Variants in EXOC6B observed in about 807,000 individuals in gnomAD.
EXOC6B encodes the protein SEC15 homolog B.
A neutral mutation model predicts 113.5 loss-of-function variants in EXOC6B; 54 were observed. The observed-to-expected ratio is 0.48, with a 90% CI of 0.38 to 0.60. EXOC6B has a LOEUF of 0.60. Ranked by LOEUF, EXOC6B falls within the 20% of genes least tolerant of loss-of-function variation. The pLI is 0.00. For missense variants in EXOC6B, 797 were observed against 977.5 expected (o/e 0.82, Z 2.46); for synonymous variants, 357 against 339.0 (o/e 1.05, Z -0.58).
intron 18 of EXOC6B, among the ~76,000 whole-genome samples, chr2:72,388,471 G>A (rs1214697993): frequency 6.6e-6 from 1 of 152,030 alleles, no homozygotes; most frequent in East Asian, 1.9e-4. Context: ...CCAGGATGTG[G>A]TCTAGCTTAG....
chr2:72,743,477 G>A (rs572021452), intron 1 of EXOC6B, among the ~76,000 whole-genome samples: 60 of 151,580 alleles, frequency 4.0e-4, no homozygotes, highest in African/African-American at 1.5e-4. Flanking sequence ...GCCTCTTCCC[G>A]CCTCAAGAAT....
At chr2:72,259,827 GATA>G (rs1166899833) in intron 20 of EXOC6B, among the ~76,000 whole-genome samples, 1 of 95,344 alleles carries the variant, frequency 1.0e-5, no homozygotes, top group African/African-American at 1.3e-4. Context: ...GAGGCAGACA[GATA>G]GCTTGAACCC....
At chr2:72,245,453 C>T (rs1048678063) in intron 20 of EXOC6B, among the ~76,000 whole-genome samples, 2 of 152,214 alleles carry the variant, frequency 1.3e-5, no homozygotes, top group African/African-American at 4.8e-5. Flanking sequence ...CAAACTGATA[C>T]ATCCATACAA....
intron 3 of EXOC6B, among the ~76,000 whole-genome samples, chr2:72,731,884 G>C (rs1406166491): frequency 1.3e-5 from 2 of 152,094 alleles, no homozygotes; most frequent in African/African-American, 4.8e-5. Flanking sequence ...CATCAAAAAA[G>C]TATTAGGTGA....
intron 19 of EXOC6B, among the ~76,000 whole-genome samples, chr2:72,364,784 C>T (rs564004952): frequency 6.6e-6 from 1 of 152,284 alleles, no homozygotes; most frequent in South Asian, 2.1e-4. Context: ...TCTCTTATCT[C>T]TGTCAAAAAT....
chr2:72,503,376 G>C lies in EXOC6B; in HGVS notation c.1168-3404C>G, dbSNP rs373721595. ...CATACCTCCATCTCCCAACCCCCAG[G>C]CAACAGGGATAGTTTTCTTGTCTCC... On this transcript the variant is annotated intron_variant, in intron 11 of 21. Coordinates refer to ENST00000272427, the MANE Select transcript of EXOC6B (RefSeq NM_015189.3). 3.5e-4 allele frequency among the ~76,000 whole-genome samples: 54 copies of C among 152,196 alleles called. No homozygotes were observed. In the East Asian group the frequency reaches 8.9e-3, roughly 25 times the overall value.
chr2:72,406,853 C>T (rs949562168), intron 18 of EXOC6B, among the ~76,000 whole-genome samples: 77 of 152,206 alleles, frequency 5.1e-4, no homozygotes, highest in Non-Finnish European at 9.1e-4. Context: ...TAACTAAGAT[C>T]AGAGCAGAAC....
intron 11 of EXOC6B, among the ~76,000 whole-genome samples, chr2:72,512,193 C>A (rs1700940049): frequency 6.6e-6 from 1 of 152,024 alleles, no homozygotes; most frequent in Non-Finnish European, 1.5e-5. Context: ...GTCTGACATT[C>A]TTGTTACATG....
At chr2:72,731,276 C>A (rs760717413) in intron 3 of EXOC6B, 31 bp from the exon 4 acceptor site, 2 of 1,511,624 alleles carry the variant, frequency 1.3e-6, no homozygotes, top group South Asian at 1.1e-5. Context: ...CTGAATTATG[C>A]CTATGGCTGT....
chr2:72,815,351 C>T (rs1460226876), intron 1 of EXOC6B, among the ~76,000 whole-genome samples: 2 of 151,992 alleles, frequency 1.3e-5, no homozygotes, highest in Non-Finnish European at 2.9e-5. Flanking sequence ...ATTAGCTGGA[C>T]GTGGTGTCGC....
intron 1 of EXOC6B, among the ~76,000 whole-genome samples, chr2:72,748,282 ATTT>A (rs1382975637): frequency 6.6e-6 from 1 of 151,980 alleles, no homozygotes; most frequent in Non-Finnish European, 1.5e-5. Context: ...TTCCTCAAAC[ATTT>A]TCTTCTCATT....
At chr2:72,484,904 A>C (rs926698387) in intron 16 of EXOC6B, among the ~76,000 whole-genome samples, 8 of 152,190 alleles carry the variant, frequency 5.3e-5, no homozygotes, top group South Asian at 2.1e-4. Context: ...TGCAATAAAC[A>C]TATGTGTGCA....
intron 11 of EXOC6B, among the ~76,000 whole-genome samples, chr2:72,502,189 C>T (rs1700360817): frequency 1.3e-5 from 2 of 152,118 alleles, no homozygotes; most frequent in African/African-American, 2.4e-5. Flanking sequence ...TTATTTAATC[C>T]TATCTCATCT....
intron 1 of EXOC6B, among the ~76,000 whole-genome samples, chr2:72,753,353 G>C (rs1041476894): frequency 6.6e-6 from 1 of 151,692 alleles, no homozygotes; most frequent in African/African-American, 2.4e-5. Flanking sequence ...ACCTAAACTA[G>C]AAATATGTAC....
chr2:72,263,067 A>G (rs964873964), intron 20 of EXOC6B, among the ~76,000 whole-genome samples: 2 of 152,190 alleles, frequency 1.3e-5, no homozygotes, highest in Admixed American at 1.3e-4. Flanking sequence ...TCAGATTGGA[A>G]ATGCCATGAA....
In EXOC6B at chr2:72,177,760, A is replaced by G. The variant is rs1168515664; in HGVS notation, c.*1575T>C. On this transcript the variant is annotated 3_prime_UTR_variant, in exon 22 of 22. Transcript: ENST00000272427. ...CTTCCCTCCCCAGAAGCAACTCAGT[A>G]GCTGACAAAGGTAGTGAAGAATTCT... 6.6e-6 allele frequency: 1 copy of G among 152,206 alleles called. No homozygotes were observed. The highest frequency in any genetic ancestry group is 2.4e-5 in the African/African-American group (1 of 41,438). 9.4% of individuals were successfully genotyped at this position (152,206 alleles called of 1,614,324 possible). A position where few individuals can be genotyped will look rare whatever the true frequency, so the allele number is the denominator to read the frequency against.
At chr2:72,452,337 T>C (rs1167826030) in intron 18 of EXOC6B, among the ~76,000 whole-genome samples, 1 of 152,224 alleles carries the variant, frequency 6.6e-6, no homozygotes, top group Non-Finnish European at 1.5e-5. Context: ...ATGCTGGCCA[T>C]ATTAAAATGT....
intron 6 of EXOC6B, among the ~76,000 whole-genome samples, chr2:72,599,906 T>C (rs557006995): frequency 1.3e-5 from 2 of 150,868 alleles, no homozygotes; most frequent in South Asian, 4.2e-4. Context: ...AAAACAGAAA[T>C]AAATGAAGAG....
At chr2:72,783,086 T>G (rs568725478) in intron 1 of EXOC6B, among the ~76,000 whole-genome samples, 48 of 152,218 alleles carry the variant, frequency 3.2e-4, no homozygotes, top group African/African-American at 1.1e-3. Flanking sequence ...TTGAGAAACC[T>G]CCATACTGTT....
Sources: gnomAD v4.1 joint callset for allele counts (sites outside exome capture counted in the v4.1 genomes callset) on GRCh38, gnomAD v4.1.1 for gene constraint, MANE v1.5 for transcripts, NCBI Gene and HGNC (gene_info 2026-07-23, HGNC 2026-07-21) for gene names.